LYPD6: variants seen among roughly 807,000 people sequenced by gnomAD.
LYPD6 encodes the protein LY6/PLAUR domain containing 6.
A neutral mutation model predicts 22.7 loss-of-function variants in LYPD6; 15 were observed. That is an observed-to-expected ratio of 0.66 (90% CI 0.44 to 1.02). LYPD6 has a LOEUF of 1.02. Among genes scored for constraint, LYPD6 ranks in the 50% least tolerant of loss-of-function variants. The probability of loss-of-function intolerance (pLI) is 0.00; values close to 1 mark genes in which losing one functional copy is unlikely to be tolerated. For synonymous variants in LYPD6, 72 were observed against 77.5 expected (o/e 0.93, Z 0.37); for missense variants, 189 against 208.4 (o/e 0.91, Z 0.57).
At chr2:149,343,718 C>A (rs1559118802) in intron 1 of LYPD6, among the ~76,000 whole-genome samples, 1 of 152,168 alleles carries the variant, frequency 6.6e-6, no homozygotes, top group African/African-American at 2.4e-5. Flanking sequence ...TTCCCACTTT[C>A]ATCTAAACTC....
At chr2:149,372,099 G>T (rs1681823526) in intron 1 of LYPD6, among the ~76,000 whole-genome samples, 1 of 152,096 alleles carries the variant, frequency 6.6e-6, no homozygotes, top group Non-Finnish European at 1.5e-5. Flanking sequence ...TGGACAGAAA[G>T]ACAAAATTAA....
chr2:149,389,688 G>C (rs751696650), intron 1 of LYPD6, among the ~76,000 whole-genome samples: 8 of 152,064 alleles, frequency 5.3e-5, no homozygotes, highest in Non-Finnish European at 1.2e-4. Context: ...CTTTATTTTT[G>C]GTCTGTAAGC....
At chr2:149,459,464 TTA>T (rs1360460954) in intron 3 of LYPD6, among the ~76,000 whole-genome samples, 2 of 152,196 alleles carry the variant, frequency 1.3e-5, no homozygotes, top group South Asian at 4.1e-4. Flanking sequence ...AAGAAAAAAC[TTA>T]GTAAACGTAC....
intron 1 of LYPD6, among the ~76,000 whole-genome samples, chr2:149,430,660 A>C (rs1267271865): frequency 2.0e-5 from 3 of 152,196 alleles, no homozygotes; most frequent in South Asian, 2.1e-4. Flanking sequence ...TTCTGTTTGA[A>C]TAGCATTGAA....
Position 149,465,596 on chromosome 2 carries a change from T to G in LYPD6, c.218-3049T>G, listed in dbSNP as rs182974161. The stretch of plus-strand genomic sequence containing the variant: ...GGCAAGAAAGCCTTTTATAAGAAAG[T>G]TGGACATTTGTAATGTCTCAATTCA... On this transcript the variant is annotated intron_variant, in intron 3 of 4. Transcript: ENST00000334166. Among the ~76,000 whole-genome samples, 124 of 152,322 alleles carry G rather than the reference T, an allele frequency of 8.1e-4. 1 individual carries two copies. Among genetic ancestry groups the G allele is most frequent in the Admixed American group, 1.5e-3 (23 of 15,294 alleles).
chr2:149,478,448 G>T (rs1406706933), downstream of LYPD6, among the ~76,000 whole-genome samples: 1 of 151,654 alleles, frequency 6.6e-6, no homozygotes, highest in Non-Finnish European at 1.5e-5. Flanking sequence ...TTTAGAGACA[G>T]GGTCTCACTC....
At chr2:149,426,294 G>A (rs1559148281) in intron 1 of LYPD6, among the ~76,000 whole-genome samples, 1 of 152,102 alleles carries the variant, frequency 6.6e-6, no homozygotes, top group East Asian at 1.9e-4. Context: ...ACGGTTTTTG[G>A]ACAAATATTT....
intron 1 of LYPD6, among the ~76,000 whole-genome samples, chr2:149,425,902 A>G (rs1683179106): frequency 6.6e-6 from 1 of 152,244 alleles, no homozygotes. Flanking sequence ...ACAAAAATAA[A>G]ACTGCGATGG....
intron 4 of LYPD6, among the ~76,000 whole-genome samples, chr2:149,470,174 A>G (rs1364013005): frequency 6.6e-6 from 1 of 152,156 alleles, no homozygotes; most frequent in East Asian, 1.9e-4. Flanking sequence ...CATGAATGAA[A>G]ACCCTTCAAA....
chr2:149,468,754 C>T lies in LYPD6; in HGVS notation c.327C>T (p.Asp109=), dbSNP rs1259562329. 6.2e-7 allele frequency: 1 copy of T among 1,613,442 alleles called. No homozygotes were observed. Among genetic ancestry groups the T allele is most frequent in the African/African-American group, 1.3e-5 (1 of 74,856 alleles). Residue 109 remains aspartate, a synonymous_variant, in exon 4 of 5, where the codon GAC becomes GAT. Transcript: ENST00000334166. The stretch of plus-strand genomic sequence containing the variant: ...AGTGCTTATCCACTGGCTGCAGAGA[C>T]TCCGAGCATGAAGGCCACAAGGTCT... ...LEECLSTGCR[D]SEHEGHKVCT...
At chr2:149,470,293 C>G (rs1165965150) in intron 4 of LYPD6, among the ~76,000 whole-genome samples, 1 of 151,778 alleles carries the variant, frequency 6.6e-6, no homozygotes, top group African/African-American at 2.4e-5. Flanking sequence ...CACTTGAAAA[C>G]TTGGCAAACG....
At chr2:149,456,093 A>C (rs755278627) in intron 3 of LYPD6, among the ~76,000 whole-genome samples, 2 of 152,216 alleles carry the variant, frequency 1.3e-5, no homozygotes, top group East Asian at 3.8e-4. Context: ...TATGGAGAAT[A>C]ATTGTTAAGA....
chr2:149,456,263 G>A (rs1252009181), intron 3 of LYPD6, among the ~76,000 whole-genome samples: 2 of 151,214 alleles, frequency 1.3e-5, no homozygotes, highest in Non-Finnish European at 2.9e-5. Flanking sequence ...TTTTTCTTTC[G>A]CTTTCAATTT....
chr2:149,435,571 AAAG>A (rs1683412778), intron 1 of LYPD6, among the ~76,000 whole-genome samples: 1 of 152,208 alleles, frequency 6.6e-6, no homozygotes, highest in Non-Finnish European at 1.5e-5. Flanking sequence ...ATGGATGTGG[AAAG>A]AAGCACTGTT....
chr2:149,354,266 G>A (rs972978691), intron 1 of LYPD6, among the ~76,000 whole-genome samples: 2 of 152,130 alleles, frequency 1.3e-5, no homozygotes, highest in Non-Finnish European at 2.9e-5. Flanking sequence ...GGAGTGCAGT[G>A]TCACGATCTC....
At chr2:149,418,715 C>G (rs1188513899) in intron 1 of LYPD6, among the ~76,000 whole-genome samples, 1 of 152,142 alleles carries the variant, frequency 6.6e-6, no homozygotes, top group African/African-American at 2.4e-5. Flanking sequence ...TGCGAGTACC[C>G]CAGAGCCCCA....
intron 1 of LYPD6, among the ~76,000 whole-genome samples, chr2:149,370,023 A>T (rs1681771634): frequency 6.6e-6 from 1 of 152,144 alleles, no homozygotes; most frequent in South Asian, 2.1e-4. Context: ...GCTCTCACCA[A>T]GGCTGGCAGG....
chr2:149,427,768 T>C (rs1213353006), intron 1 of LYPD6, among the ~76,000 whole-genome samples: 9 of 152,244 alleles, frequency 5.9e-5, no homozygotes, highest in African/African-American at 1.9e-4. Context: ...GTACACTCTA[T>C]GATGTTCACA....
rs541427858 is a variant in LYPD6, at chr2:149,454,932, C to T, written c.217+5785C>T. ...TTTGTGCTCCCAGTCCCCTTGAGAC[C>T]GATGAAGGTGCTGCCCTACTTCTCT... On this transcript the variant is annotated intron_variant, in intron 3 of 4. Transcript: ENST00000334166. 4.6e-5 allele frequency among the ~76,000 whole-genome samples: 7 copies of T among 152,202 alleles called. No homozygotes were observed. The East Asian group carries it at 7.8e-4, about 17-fold the overall frequency.
Sources: gnomAD v4.1 joint callset for allele counts (sites outside exome capture counted in the v4.1 genomes callset) on GRCh38, gnomAD v4.1.1 for gene constraint, MANE v1.5 for transcripts, NCBI Gene and HGNC (gene_info 2026-07-23, HGNC 2026-07-21) for gene names.